SDCCAG8: variants seen among roughly 807,000 people sequenced by gnomAD.
The protein encoded by SDCCAG8 is SHH signaling and ciliogenesis regulator SDCCAG8.
SDCCAG8 carries 74 observed loss-of-function variants against 101.8 expected under a neutral mutation model. That is an observed-to-expected ratio of 0.73 (90% CI 0.60 to 0.88). The LOEUF is 0.88. SDCCAG8 is among the 40% of genes least tolerant of loss of function. The pLI, the probability that SDCCAG8 is intolerant of heterozygous loss-of-function variation, is 0.00. For missense variants in SDCCAG8, 787 were observed against 822.6 expected (o/e 0.96, Z 0.53); for synonymous variants, 281 against 292.9 (o/e 0.96, Z 0.41).
At chr1:243,275,765 G>A (rs996856567) in intron 4 of SDCCAG8, among the ~76,000 whole-genome samples, 1 of 150,186 alleles carries the variant, frequency 6.7e-6, no homozygotes, top group Non-Finnish European at 1.5e-5. Context: ...TTACTTTTTG[G>A]TATAAGCTAT....
chr1:243,451,696 G>C (rs1367775524), intron 16 of SDCCAG8, among the ~76,000 whole-genome samples: 2 of 152,112 alleles, frequency 1.3e-5, no homozygotes, highest in African/African-American at 2.4e-5. Context: ...GGCCAAGTTG[G>C]GTGGCTCACT....
intron 16 of SDCCAG8, among the ~76,000 whole-genome samples, chr1:243,447,593 T>G (rs1473673366): frequency 6.6e-6 from 1 of 152,162 alleles, no homozygotes; most frequent in Non-Finnish European, 1.5e-5. Context: ...GGCAGCACTT[T>G]TGCAAATGTG....
At chr1:243,411,430 C>A (rs1028366642) in intron 13 of SDCCAG8, among the ~76,000 whole-genome samples, 7 of 152,068 alleles carry the variant, frequency 4.6e-5, no homozygotes, top group African/African-American at 1.7e-4. Flanking sequence ...TAAAGATCAG[C>A]TTTATTGGGG....
rs199510741 is a variant in SDCCAG8, at chr1:243,477,016, A to G, written c.1986-11998A>G. Among the ~76,000 whole-genome samples, 14 of 88,888 alleles carry G rather than the reference A, an allele frequency of 1.6e-4. 1 individual carries two copies. Among genetic ancestry groups the G allele is most frequent in the Non-Finnish European group, 3.3e-4 (13 of 39,510 alleles). 58.3% of individuals were successfully genotyped at this position (88,888 alleles called of 152,430 possible). ...TGGTTCTGTACACACACACACACACACACACACACACACACACAGAGAGAA... is the reference window on the plus strand; with the variant it reads ...TGGTTCTGTACACACACACACACACGCACACACACACACACACAGAGAGAA... On this transcript the variant is annotated intron_variant, in intron 16 of 17. Transcript: ENST00000366541.
At chr1:243,452,414 CTTTTTTTTTTTTTTT>C (rs71574667) in intron 16 of SDCCAG8, among the ~76,000 whole-genome samples, 2 of 66,654 alleles carry the variant, frequency 3.0e-5, no homozygotes, top group Non-Finnish European at 3.0e-5. Context: ...GATCTCATCT[CTTTTTTTTTTTTTTT>C]TTTTTTTTTT....
At chr1:243,438,624 T>A (rs1336447552) in intron 16 of SDCCAG8, among the ~76,000 whole-genome samples, 1 of 152,130 alleles carries the variant, frequency 6.6e-6, no homozygotes, top group Non-Finnish European at 1.5e-5. Flanking sequence ...GAGGAGTCTT[T>A]CTCTTGAACC....
At position 243,426,531 on chromosome 1, in the gene SDCCAG8, G is replaced by A. The variant is rs1452709438; in HGVS notation, c.1958G>A (p.Gly653Glu). Residue 653 changes from glycine to glutamate, a missense_variant, in exon 16 of 18, where the codon GGG becomes GAG. Physicochemically the swap from Gly to Glu is moderately conservative, Grantham distance 98. Coordinates refer to ENST00000366541, the MANE Select transcript of SDCCAG8 (RefSeq NM_006642.5). ...EELEEQCVQH[G>E]RVHETMKQRL... is the part of the protein sequence containing the mutation. ...TTGGAGGAACAGTGTGTCCAGCATG[G>A]GAGAGTACATGAGACGATGAAGCAA... The A allele has an allele frequency of 1.2e-6, 2 of 1,613,918 alleles. No individual in the cohort carries two copies. The highest frequency in any genetic ancestry group is 1.7e-6 in the Non-Finnish European group (2 of 1,179,920).
intron 16 of SDCCAG8, among the ~76,000 whole-genome samples, chr1:243,464,693 G>A (rs1467822913): frequency 1.3e-5 from 2 of 152,238 alleles, no homozygotes; most frequent in East Asian, 1.9e-4. Flanking sequence ...ACAACACCGT[G>A]TGAGGTGTGT....
intron 6 of SDCCAG8, among the ~76,000 whole-genome samples, chr1:243,296,490 A>T (rs1317980950): frequency 7.6e-6 from 1 of 131,930 alleles, no homozygotes; most frequent in Admixed American, 8.0e-5. Context: ...TTGCTTCAGT[A>T]TGCTTCAGTT....
At chr1:243,415,024 C>G (rs1266976274) in intron 13 of SDCCAG8, among the ~76,000 whole-genome samples, 4 of 152,112 alleles carry the variant, frequency 2.6e-5, no homozygotes, top group Non-Finnish European at 5.9e-5. Flanking sequence ...GGTCAGTGTC[C>G]TATCACAGTA....
Position 243,415,803 on chromosome 1 carries a change from A to C in SDCCAG8, c.1718A>C (p.Gln573Pro), listed in dbSNP as rs1381319822. ...CAGGAGCTGACACAGAAGATACAGC[A>C]AATGGAGGCCCAGCATGACAAAACT... ...REQELTQKIQ[Q>P]MEAQHDKTEN... The change falls in exon 14 of 18, where the codon CAA (glutamine) becomes CCA (proline). Residue 573 changes from glutamine (Q) to proline (P), a missense_variant. By Grantham distance (76) the Gln-to-Pro change is moderately conservative (BLOSUM62 -1). Coordinates refer to ENST00000366541, the MANE Select transcript of SDCCAG8 (RefSeq NM_006642.5). The C allele has an allele frequency of 6.2e-7, 1 of 1,613,594 alleles. No individual in the cohort carries two copies. The highest frequency in any genetic ancestry group is 8.5e-7 in the Non-Finnish European group (1 of 1,179,784).
At chr1:243,450,646 A>G (rs914432292) in intron 16 of SDCCAG8, among the ~76,000 whole-genome samples, 1 of 152,064 alleles carries the variant, frequency 6.6e-6, no homozygotes. Flanking sequence ...GTTTTGTTAT[A>G]TAACCTGGTT....
chr1:243,400,734 T>A (rs115450612), intron 13 of SDCCAG8, among the ~76,000 whole-genome samples: 2 of 152,224 alleles, frequency 1.3e-5, no homozygotes, highest in Non-Finnish European at 2.9e-5. Context: ...AGTCAGTTCA[T>A]TGAAGTTAGA....
intron 16 of SDCCAG8, among the ~76,000 whole-genome samples, chr1:243,460,820 G>A (rs185675128): frequency 9.8e-4 from 149 of 152,250 alleles, no homozygotes; most frequent in Non-Finnish European, 1.9e-3. Context: ...TGTTCGGCTT[G>A]TTCCCTTTCT....
At chr1:243,415,280 A>G (rs2080492953) in intron 13 of SDCCAG8, among the ~76,000 whole-genome samples, 1 of 152,190 alleles carries the variant, frequency 6.6e-6, no homozygotes, top group Admixed American at 6.5e-5. Context: ...TTAAGTTTAG[A>G]GTGAAAACAG....
chr1:243,378,847 C>G lies in SDCCAG8; in HGVS notation c.1600C>G (p.Gln534Glu), dbSNP rs1357294768. ...AGAACTGCTGGGCGAATCTGAGCAC[C>G]AACTGCACCTCACCAGGTACTCCCT... is the stretch of plus-strand genomic sequence containing the variant. ...LTELLGESEHQLHLTRQEKDS... is the reference protein window; with the variant it reads ...LTELLGESEHELHLTRQEKDS... The change falls in exon 13 of 18, where the codon CAA (glutamine) becomes GAA (glutamate). Residue 534 changes from glutamine (Q) to glutamate (E), a missense_variant. Gln to Glu is a conservative substitution (Grantham distance 29). Transcript: ENST00000366541. 6.2e-7 allele frequency: 1 copy of G among 1,614,014 alleles called. No individual in the cohort carries two copies. The highest frequency in any genetic ancestry group is 8.5e-7 in the Non-Finnish European group (1 of 1,179,958).
chr1:243,341,867 A>T (rs2075399204), intron 11 of SDCCAG8, among the ~76,000 whole-genome samples: 1 of 152,214 alleles, frequency 6.6e-6, no homozygotes, highest in Non-Finnish European at 1.5e-5. Flanking sequence ...AGAAACTAAT[A>T]AAATCAATTT....
Position 243,270,953 on chromosome 1 carries a change from T to C in SDCCAG8, c.221-25T>C, listed in dbSNP as rs1313983021. On this transcript the variant is annotated intron_variant, in intron 2 of 17. Coordinates refer to ENST00000366541, the MANE Select transcript of SDCCAG8 (RefSeq NM_006642.5). ...AACCATGGATCTCAAATAAGGTTAA[T>C]AAACCCTCTGCTTTTGCTCTATAGT... 3.2e-6 allele frequency: 5 copies of C among 1,565,954 alleles called. No homozygotes were observed. In the South Asian group the frequency reaches 5.5e-5, roughly 17 times the overall value.
rs755492572 is a variant in SDCCAG8, at chr1:243,341,045, A to G, written c.1228A>G (p.Ile410Val). 7.4e-6 allele frequency: 12 copies of G among 1,613,448 alleles called. No homozygotes were observed. The East Asian group carries it at 2.7e-4, about 36-fold the overall frequency. The change falls in exon 11 of 18, where the codon ATC becomes GTC. Residue 410 changes from isoleucine (I) to valine (V), a missense_variant. Coordinates refer to ENST00000366541, the MANE Select transcript of SDCCAG8 (RefSeq NM_006642.5). ...EREYMGSKML[I>V]LSQNIAQLEA... ...CTTTTATTTTCCCTTACAGATGTTG[A>G]TCTTGTCTCAGAATATTGCCCAACT...
Sources: allele counts gnomAD v4.1 joint callset (sites outside exome capture counted in the v4.1 genomes callset), GRCh38; gene constraint gnomAD v4.1.1; transcripts MANE v1.5; gene names NCBI Gene and HGNC (gene_info 2026-07-23, HGNC 2026-07-21).